The following VPS13D variants were observed in gnomAD, a reference collection of about 807,000 sequenced individuals.
VPS13D encodes vacuolar protein sorting 13 homolog D.
VPS13D carries 187 observed loss-of-function variants against 461.9 expected under a neutral mutation model. That is an observed-to-expected ratio of 0.40 (90% CI 0.36 to 0.46). VPS13D has a LOEUF of 0.46. Ranked by LOEUF, VPS13D falls within the 20% of genes least tolerant of loss-of-function variation. The pLI, the probability that VPS13D is intolerant of heterozygous loss-of-function variation, is 0.60. For synonymous variants in VPS13D, 1,951 were observed against 1,986.3 expected (o/e 0.98, Z 0.47); for missense variants, 4,711 against 5,364.9 (o/e 0.88, Z 3.81).
Position 12,412,302 on chromosome 1 carries a change from G to A in VPS13D, c.12031-2785G>A, listed in dbSNP as rs184189929. Among the ~76,000 whole-genome samples, 846 of 152,330 alleles carry A rather than the reference G, an allele frequency of 5.6e-3. 33 individuals are homozygous for A. The highest frequency in any genetic ancestry group is 0.05 in the Admixed American group (759 of 15,308). ...AGTTTTTTTGGAAGCAAATTGACAA[G>A]CTGATTCTAAAATTTCTCTGCAGTT... On this transcript the variant is annotated intron_variant, in intron 63 of 69. Coordinates refer to ENST00000620676, the MANE Select transcript of VPS13D (RefSeq NM_015378.4).
At chr1:12,358,772 A>C (rs1359336219) in intron 50 of VPS13D, among the ~76,000 whole-genome samples, 171 bp downstream of exon 50, 2 of 152,134 alleles carry the variant, frequency 1.3e-5, no homozygotes, top group South Asian at 2.1e-4. Flanking sequence ...ACACAGATCT[A>C]TTCTCCTGGG....
At chr1:12,246,497 C>G (rs1277373557) in intron 5 of VPS13D, among the ~76,000 whole-genome samples, 1 of 151,818 alleles carries the variant, frequency 6.6e-6, no homozygotes, top group Non-Finnish European at 1.5e-5. Context: ...ATTTCAAAAT[C>G]CCCCCCAAAA....
chr1:12,255,686 A>G (rs1296621635), intron 7 of VPS13D, among the ~76,000 whole-genome samples: 2 of 151,914 alleles, frequency 1.3e-5, no homozygotes, highest in African/African-American at 4.8e-5. Flanking sequence ...AGGTCAGGAG[A>G]TCGAGACCAT....
chr1:12,363,156 C>T lies in VPS13D; in HGVS notation c.10357C>T (p.Leu3453=). 2 of 1,614,196 alleles carry T rather than the reference C, an allele frequency of 1.2e-6. No homozygotes were observed. The highest frequency in any genetic ancestry group is 1.7e-6 in the Non-Finnish European group (2 of 1,180,044). Residue 3453 remains leucine (L), a synonymous_variant, in exon 52 of 70, where the codon CTA becomes TTA. Transcript: ENST00000620676. Reference sequence around the variant, plus strand: ...CTGGCCTCGGAATGACTATGATCAGCTATTGTGTGTCAGACTGATGGACGT... The same window carrying T: ...CTGGCCTCGGAATGACTATGATCAGTTATTGTGTGTCAGACTGATGGACGT... ...FHWPRNDYDQ[L]LCVRLMDVPN...
intron 10 of VPS13D, among the ~76,000 whole-genome samples, chr1:12,259,031 C>T (rs1380108618): frequency 6.6e-6 from 1 of 151,264 alleles, no homozygotes; most frequent in Non-Finnish European, 1.5e-5. Context: ...ATTTTCTTTT[C>T]TTTTCTTCTT....
intron 67 of VPS13D, among the ~76,000 whole-genome samples, chr1:12,474,067 A>G (rs2100459031): frequency 6.6e-6 from 1 of 152,284 alleles, no homozygotes; most frequent in Admixed American, 6.5e-5. Context: ...CCCACATGAC[A>G]TGGAAATCTG....
chr1:12,348,264 A>G (rs1569968803), intron 44 of VPS13D, among the ~76,000 whole-genome samples: 1 of 152,218 alleles, frequency 6.6e-6, no homozygotes, highest in African/African-American at 2.4e-5. Flanking sequence ...CATTGTTTGG[A>G]TATTAATCTA....
chr1:12,255,437 T>G (rs1430216136), intron 7 of VPS13D, among the ~76,000 whole-genome samples: 1 of 152,194 alleles, frequency 6.6e-6, no homozygotes, highest in Admixed American at 6.5e-5. Flanking sequence ...TACAGGTTTA[T>G]CTGCATATGT....
Position 12,327,680 on chromosome 1 carries a change from A to C in VPS13D, c.8023A>C (p.Lys2675Gln). The C allele has an allele frequency of 2.5e-6, 4 of 1,614,110 alleles. No individual in the cohort carries two copies. The highest frequency in any genetic ancestry group is 3.4e-6 in the Non-Finnish European group (4 of 1,180,004). Residue 2675 changes from lysine (K) to glutamine (Q), a missense_variant, in exon 36 of 70, where the codon AAG becomes CAG. Around this residue, in one of 3 missense-constraint regions of VPS13D, gnomAD observed 4,411 missense variants for 4,937.8 expected, o/e 0.89. Transcript: ENST00000620676. ...GAAAAAGGCAGCAAGTTGGTTGTTT[A>C]AGAATGCGGAACCTCTGAAGTCTCT... is the stretch of plus-strand genomic sequence containing the variant. ...QLKKAASWLF[K>Q]NAEPLKSLSL... is the part of the protein sequence containing the mutation.
intron 57 of VPS13D, 65 bp from the exon 58 acceptor site, chr1:12,382,911 G>A (rs1458282752): frequency 3.4e-5 from 49 of 1,456,098 alleles, no homozygotes; most frequent in Non-Finnish European, 4.4e-5. Context: ...TTGAAATGAT[G>A]TGTTAACTTG....
At position 12,407,875 on chromosome 1, in the gene VPS13D, G is replaced by C. The variant is rs79273288; in HGVS notation, c.12030+3902G>C. 4.7e-3 allele frequency among the ~76,000 whole-genome samples: 718 copies of C among 151,916 alleles called. 1 individual carries two copies. Among genetic ancestry groups the C allele is most frequent in the African/African-American group, 0.017 (693 of 41,500 alleles). On this transcript the variant is annotated intron_variant, in intron 63 of 69. Coordinates refer to ENST00000620676, the MANE Select transcript of VPS13D (RefSeq NM_015378.4). The stretch of plus-strand genomic sequence containing the variant: ...TATTTGGTTGCAAGGACAAAGTTGG[G>C]GTATAAAAGCTTTTTACCTTAAGCC...
intron 65 of VPS13D, among the ~76,000 whole-genome samples, chr1:12,424,758 T>G (rs1017790333): frequency 1.3e-5 from 2 of 152,258 alleles, no homozygotes; most frequent in African/African-American, 4.8e-5. Flanking sequence ...GTAGTTCAGT[T>G]AAGAACAAGC....
At chr1:12,308,283 A>T in intron 26 of VPS13D, 148 bp from the exon 27 acceptor site, 1 of 817,994 alleles carries the variant, frequency 1.2e-6, no homozygotes, top group Non-Finnish European at 1.9e-6. Context: ...CTGGACAGCC[A>T]GTTTTCTGAG....
chr1:12,456,618 C>T (rs551418764), intron 66 of VPS13D, among the ~76,000 whole-genome samples: 1 of 107,670 alleles, frequency 9.3e-6, no homozygotes, highest in African/African-American at 3.8e-5. Context: ...AGCCTGGCAA[C>T]AGAGCAAGAC....
Position 12,385,291 on chromosome 1 carries a change from G to T in VPS13D, c.11402G>T (p.Arg3801Leu). 1.9e-6 allele frequency: 3 copies of T among 1,613,854 alleles called. No individual in the cohort carries two copies. The highest frequency in any genetic ancestry group is 2.5e-6 in the Non-Finnish European group (3 of 1,179,868). Reference protein sequence around the residue: ...ITDFCHRKSSRSYEVDELPVT... With the variant: ...ITDFCHRKSSLSYEVDELPVT... ...GATTTCTGCCACCGGAAAAGCAGCC[G>T]TTCATATGAAGTGGATGAACTTCCT... is the stretch of plus-strand genomic sequence containing the variant. Residue 3801 changes from arginine to leucine, a missense_variant, in exon 59 of 70, where the codon CGT (arginine) becomes CTT (leucine). Coordinates refer to ENST00000620676, the MANE Select transcript of VPS13D (RefSeq NM_015378.4).
rs142328809 is a variant in VPS13D, at chr1:12,369,229, CTGTGTGTGTGTG to C, written c.10573-224_10573-213del. 2.0e-5 allele frequency among the ~76,000 whole-genome samples: 3 copies of C among 147,658 alleles called. No homozygotes were observed. The South Asian group carries it at 6.4e-4, about 32-fold the overall frequency. On this transcript the variant is annotated intron_variant, in intron 53 of 69. Transcript: ENST00000620676. ...TATATGTATATATGTGTGTGTGTAT[CTGTGTGTGTGTG>C]TGTGTGTGTGTGTAGCACATGTCTT... is the stretch of plus-strand genomic sequence containing the variant.
chr1:12,323,701 C>T lies in VPS13D; in HGVS notation c.7916-5C>T, dbSNP rs756887407. The T allele has an allele frequency of 3.7e-6, 6 of 1,612,468 alleles. No homozygotes were observed. Among genetic ancestry groups the T allele is most frequent in the Non-Finnish European group, 4.2e-6 (5 of 1,179,146 alleles). Reference sequence around the variant, plus strand: ...TATGAAAATTTTATGCTATTTGTTTCCTAGAGTTACAGCTGGCTAGGCTGC... The same window carrying T: ...TATGAAAATTTTATGCTATTTGTTTTCTAGAGTTACAGCTGGCTAGGCTGC... On this transcript the variant is annotated splice_region_variant and splice_polypyrimidine_tract_variant and intron_variant, in intron 34 of 69. Transcript: ENST00000620676.
chr1:12,334,708 T>A (rs2101562331), intron 38 of VPS13D, among the ~76,000 whole-genome samples: 1 of 152,234 alleles, frequency 6.6e-6, no homozygotes, highest in Middle Eastern at 3.4e-3. Flanking sequence ...AAAGTTACAG[T>A]GAGCTATGAT....
chr1:12,363,633 A>G (rs1344477809), intron 52 of VPS13D, among the ~76,000 whole-genome samples: 1 of 152,148 alleles, frequency 6.6e-6, no homozygotes, highest in Non-Finnish European at 1.5e-5. Context: ...TTCTACACCT[A>G]ATGTGGTAAC....
Sources: allele counts gnomAD v4.1 joint callset (sites outside exome capture counted in the v4.1 genomes callset), GRCh38; gene constraint gnomAD v4.1.1; regional missense constraint gnomAD v4.1.1; transcripts MANE v1.5; gene names NCBI Gene and HGNC (gene_info 2026-07-23, HGNC 2026-07-21).